POP1: variants seen among roughly 807,000 people sequenced by gnomAD.
POP1 encodes the protein ribonucleases P/MRP protein subunit POP1.
Under a neutral mutation model 102.2 loss-of-function variants are expected in POP1, and 75 were observed. The observed-to-expected ratio is 0.73, with a 90% CI of 0.61 to 0.89. The LOEUF (loss-of-function observed/expected upper bound fraction) is 0.89, where lower values mean the gene tolerates loss of function less well. Ranked by LOEUF, POP1 falls within the 40% of genes least tolerant of loss-of-function variation. POP1 has a pLI of 0.00. For synonymous variants in POP1, 436 were observed against 464.1 expected, an observed-to-expected ratio of 0.94 and a Z score of 0.78; for missense variants, 1,116 against 1,267.4, an observed-to-expected ratio of 0.88 and a Z score of 1.81.
At chr8:98,145,965 A>G (rs139135623) in intron 11 of POP1, among the ~76,000 whole-genome samples, 69 of 152,290 alleles carry the variant, frequency 4.5e-4, no homozygotes, top group African/African-American at 1.3e-3. Context: ...GTTCAATATA[A>G]ATAGGTTATC....
chr8:98,128,937 C>T (rs910700191), intron 4 of POP1, among the ~76,000 whole-genome samples: 1 of 151,932 alleles, frequency 6.6e-6, no homozygotes, highest in African/African-American at 2.4e-5. Context: ...AAAAAAAAAA[C>T]TCAGAAAACA....
chr8:98,147,488 T>C (rs1406948081), intron 12 of POP1, among the ~76,000 whole-genome samples: 1 of 152,172 alleles, frequency 6.6e-6, no homozygotes, highest in Admixed American at 6.5e-5. Context: ...CCTTGAAGCC[T>C]TTTCAGGATT....
At chr8:98,135,623 A>G (rs1816513002) in intron 7 of POP1, among the ~76,000 whole-genome samples, 1 of 152,148 alleles carries the variant, frequency 6.6e-6, no homozygotes, top group Non-Finnish European at 1.5e-5. Context: ...TCAGTTTCAA[A>G]ATTTTTTTTT....
At chr8:98,124,883 G>T (rs991542067) in intron 2 of POP1, among the ~76,000 whole-genome samples, 7 of 152,192 alleles carry the variant, frequency 4.6e-5, no homozygotes, top group Non-Finnish European at 1.0e-4. Context: ...GGCAGCGGTA[G>T]AAAGTGCTAA....
rs748288309 is a variant in POP1 at position 98,128,463 on chromosome 8, C to T, written c.409C>T (p.Arg137Trp). 3.0e-5 allele frequency: 48 copies of T among 1,613,912 alleles called. No homozygotes were observed. Among genetic ancestry groups the T allele is most frequent in the Middle Eastern group, 3.3e-4 (2 of 6,076 alleles). The change falls in exon 4 of 16, where the codon CGG becomes TGG. Residue 137 changes from arginine to tryptophan, a missense_variant. Transcript: ENST00000401707. ...SNSLVFQTLP[R>W]HMRRRAMSHN... The stretch of plus-strand genomic sequence containing the variant: ...TTCACTGGTTTTTCAGACTCTGCCA[C>T]GGCACATGCGACGAAGAGCCATGAG...
intron 5 of POP1, among the ~76,000 whole-genome samples, chr8:98,132,270 G>C (rs1031796070): frequency 2.2e-4 from 33 of 152,340 alleles, no homozygotes; most frequent in African/African-American, 6.0e-4. Context: ...CTGAGGTACA[G>C]AGAGGTTAGG....
chr8:98,130,544 T>C (rs59547925), intron 5 of POP1, among the ~76,000 whole-genome samples: 1,884 of 53,896 alleles, frequency 0.035, 37 homozygotes, highest in African/African-American at 0.1. Context: ...AGGGATAAGA[T>C]GGGAGGAGAG....
intron 1 of POP1, among the ~76,000 whole-genome samples, chr8:98,120,499 T>C (rs746550839): frequency 2.0e-5 from 3 of 152,186 alleles, no homozygotes; most frequent in Non-Finnish European, 4.4e-5. Flanking sequence ...TGAGACAGAG[T>C]CTCACTCTAT....
intron 4 of POP1, among the ~76,000 whole-genome samples, chr8:98,128,958 GGTTTTT>G (rs1392790740): frequency 2.6e-5 from 4 of 151,952 alleles, no homozygotes; most frequent in Non-Finnish European, 5.9e-5. Flanking sequence ...TCACCCTTAT[GGTTTTT>G]GTTTTTGTTT....
chr8:98,140,971 C>T (rs1337928771), intron 11 of POP1, 83 bp downstream of exon 11: 2 of 1,501,070 alleles, frequency 1.3e-6, no homozygotes, highest in Non-Finnish European at 1.8e-6. Flanking sequence ...TTCTCTGACA[C>T]CTCTCCAGTA....
chr8:98,149,140 T>C (rs1333176449), intron 13 of POP1, 134 bp downstream of exon 13: 14 of 833,502 alleles, frequency 1.7e-5, no homozygotes, highest in Non-Finnish European at 2.3e-5. Context: ...CTTAGAGCTA[T>C]AGTCCTGGAT....
chr8:98,138,308 C>T (rs771217572), intron 9 of POP1, among the ~76,000 whole-genome samples: 6 of 77,444 alleles, frequency 7.7e-5, no homozygotes, highest in African/African-American at 3.9e-4. Context: ...TCTGAGGCCT[C>T]ATTTCTCCTC....
At chr8:98,128,591 A>C (rs761803318) in intron 4 of POP1, 51 bp downstream of exon 4, 1 of 1,572,126 alleles carries the variant, frequency 6.4e-7, no homozygotes, top group Non-Finnish European at 8.7e-7. Flanking sequence ...CCTAGAAGAA[A>C]TTGAGAAGTA....
In POP1 at chr8:98,128,477, A is replaced by G; in HGVS notation, c.423A>G (p.Arg141=). The G allele has an allele frequency of 6.2e-7, 1 of 1,614,030 alleles. No homozygotes were observed. Among genetic ancestry groups the G allele is most frequent in the Non-Finnish European group, 8.5e-7 (1 of 1,179,914 alleles). ...VFQTLPRHMR[R]RAMSHNVKRL... is the part of the protein sequence containing the mutation. ...AGACTCTGCCACGGCACATGCGACG[A>G]AGAGCCATGAGCCACAACGTCAAAC... is the stretch of plus-strand genomic sequence containing the variant. The change falls in exon 4 of 16, where the codon CGA becomes CGG. Residue 141 remains arginine (R), a synonymous_variant. Transcript: ENST00000401707.
At chr8:98,128,648 G>A in intron 4 of POP1, 108 bp downstream of exon 4, 1 of 1,277,970 alleles carries the variant, frequency 7.8e-7, no homozygotes, top group Non-Finnish European at 1.1e-6. Flanking sequence ...GCTGGGCATG[G>A]TGGCTCACGC....
At chr8:98,149,551 G>A (rs1809463143) in intron 13 of POP1, among the ~76,000 whole-genome samples, 1 of 152,026 alleles carries the variant, frequency 6.6e-6, no homozygotes. Flanking sequence ...GAGGTCAGAA[G>A]TTTGAGGCCA....
At position 98,128,185 on chromosome 8, in the gene POP1, A is replaced by G. The variant is rs112574600; in HGVS notation, c.311-180A>G. On this transcript the variant is annotated intron_variant, in intron 3 of 15. Coordinates refer to ENST00000401707, the MANE Select transcript of POP1 (RefSeq NM_001145860.2). ...GTTCTTCACCCTATGATCCCCATCC[A>G]CACTACCACAATTAAACCCTATATT... Among the ~76,000 whole-genome samples the G allele has an allele frequency of 1.1e-4, 16 of 152,210 alleles. 1 individual carries two copies. Among genetic ancestry groups the G allele is most frequent in the African/African-American group, 3.6e-4 (15 of 41,520 alleles).
At position 98,140,771 on chromosome 8, in the gene POP1, A is replaced by G; in HGVS notation, c.1477A>G (p.Ile493Val). The change falls in exon 11 of 16, where the codon ATA becomes GTA. Residue 493 changes from isoleucine to valine, a missense_variant and splice_region_variant. By Grantham distance (29) the Ile-to-Val change is conservative. Transcript: ENST00000401707. ...ACTTCTTTTTGTTGTTGTTAAAGGA[A>G]TAACATCACCAGCAGAAATTCCGGC... ...QEAIFELLGG[I>V]TSPAEIPAGT... The G allele has an allele frequency of 1.9e-6, 3 of 1,613,798 alleles. No individual in the cohort carries two copies. Among genetic ancestry groups the G allele is most frequent in the Non-Finnish European group, 2.5e-6 (3 of 1,179,678 alleles).
intron 9 of POP1, among the ~76,000 whole-genome samples, chr8:98,138,212 G>A (rs1386150486): frequency 6.6e-6 from 1 of 152,184 alleles, no homozygotes; most frequent in East Asian, 1.9e-4. Context: ...GCTTCCTGAT[G>A]AAAAGTTTTT....
Sources: gnomAD v4.1 joint callset for allele counts (sites outside exome capture counted in the v4.1 genomes callset) on GRCh38, gnomAD v4.1.1 for gene constraint, MANE v1.5 for transcripts, NCBI Gene and HGNC (gene_info 2026-07-23, HGNC 2026-07-21) for gene names.